ASTN2: variants seen among roughly 807,000 people sequenced by gnomAD.
The protein encoded by ASTN2 is astrotactin-2.
In ASTN2, 54 loss-of-function variants were observed where a neutral mutation model predicts 139.8. That is an observed-to-expected ratio of 0.39 (90% CI 0.31 to 0.48). The LOEUF (loss-of-function observed/expected upper bound fraction) is 0.48, where lower values mean the gene tolerates loss of function less well. Ranked by LOEUF, ASTN2 falls within the 20% of genes least tolerant of loss-of-function variation. ASTN2 has a pLI of 0.95. For synonymous variants in ASTN2, 756 were observed against 719.5 expected, an observed-to-expected ratio of 1.05 and a Z score of -0.81; for missense variants, 1,565 against 1,725.1, an observed-to-expected ratio of 0.91 and a Z score of 1.64.
intron 10 of ASTN2, among the ~76,000 whole-genome samples, chr9:116,883,190 T>G (rs1833496322): frequency 6.6e-6 from 1 of 152,236 alleles, no homozygotes; most frequent in Admixed American, 6.5e-5. Context: ...CACAGTAGGA[T>G]GTCCTGTGAA....
At chr9:116,745,548 T>G (rs114795235) in intron 13 of ASTN2, among the ~76,000 whole-genome samples, 6,232 of 152,228 alleles carry the variant, frequency 0.041, 453 homozygotes, top group African/African-American at 0.14. Flanking sequence ...TCTCTGCACG[T>G]GTTTCCCATC....
intron 3 of ASTN2, among the ~76,000 whole-genome samples, chr9:117,152,926 A>C (rs969288264): frequency 6.6e-6 from 1 of 152,158 alleles, no homozygotes; most frequent in African/African-American, 2.4e-5. Context: ...GACAGTTATT[A>C]GTTTAAGGTA....
At chr9:116,914,582 T>TA (rs1045064404) in intron 10 of ASTN2, among the ~76,000 whole-genome samples, 16 of 143,530 alleles carry the variant, frequency 1.1e-4, no homozygotes, top group East Asian at 3.9e-4. Flanking sequence ...TTTATATATA[T>TA]TTTTTTTTAC....
At chr9:117,320,260 A>AGAACT in intron 1 of ASTN2, among the ~76,000 whole-genome samples, 1 of 152,280 alleles carries the variant, frequency 6.6e-6, no homozygotes, top group African/African-American at 2.4e-5. Context: ...AATAAAATAC[A>AGAACT]GAACTGAACT....
In ASTN2 at chr9:116,425,006, C is replaced by T. The variant is rs915201964; in HGVS notation, c.*845G>A. Among the ~76,000 whole-genome samples, 2 of 152,122 alleles carry T rather than the reference C, an allele frequency of 1.3e-5. No homozygotes were observed. The highest frequency in any genetic ancestry group is 4.8e-5 in the African/African-American group (2 of 41,422). On this transcript the variant is annotated 3_prime_UTR_variant, in exon 23 of 23. Transcript: ENST00000313400. ...CCCTCCAGTGTGTCTCATGCTCTAA[C>T]AGTGAGTGCAAAGAACCTCCATTCT... is the stretch of plus-strand genomic sequence containing the variant.
intron 7 of ASTN2, among the ~76,000 whole-genome samples, chr9:117,003,307 G>A (rs1250584193): frequency 6.6e-6 from 1 of 152,152 alleles, no homozygotes; most frequent in African/African-American, 2.4e-5. Context: ...ACAGCTCCCA[G>A]CTTGTTAGAA....
chr9:116,568,943 T>A (rs961797657), intron 19 of ASTN2: 1 of 152,136 alleles, frequency 6.6e-6, no homozygotes, highest in Non-Finnish European at 1.5e-5. Flanking sequence ...GGCCTTTTTT[T>A]ACTCTGACAC....
At chr9:116,742,375 C>A (rs1016644302) in intron 13 of ASTN2, among the ~76,000 whole-genome samples, 1 of 152,182 alleles carries the variant, frequency 6.6e-6, no homozygotes, top group African/African-American at 2.4e-5. Context: ...CTTCTTTCTG[C>A]CACTGATGCT....
At chr9:116,557,739 C>T (rs1020252663) in intron 19 of ASTN2, 2 of 152,106 alleles carry the variant, frequency 1.3e-5, no homozygotes, top group African/African-American at 4.8e-5. Flanking sequence ...TACCTTTTTC[C>T]TACGTGTATA....
At chr9:117,382,015 A>G (rs541389397) in intron 1 of ASTN2, among the ~76,000 whole-genome samples, 76 of 152,258 alleles carry the variant, frequency 5.0e-4, no homozygotes, top group Middle Eastern at 6.8e-3. Context: ...GAGTGATAGC[A>G]CTTAAGTCTA....
intron 11 of ASTN2, among the ~76,000 whole-genome samples, chr9:116,844,810 T>A (rs1266031435): frequency 6.6e-6 from 1 of 152,134 alleles, no homozygotes; most frequent in Non-Finnish European, 1.5e-5. Flanking sequence ...CAGGCCATTA[T>A]CCCCACATGC....
intron 2 of ASTN2, among the ~76,000 whole-genome samples, chr9:117,267,382 T>C (rs1833960950): frequency 1.3e-5 from 2 of 152,312 alleles, no homozygotes; most frequent in African/African-American, 2.4e-5. Flanking sequence ...TGTTGCACCC[T>C]GGGATCACTT....
intron 19 of ASTN2, among the ~76,000 whole-genome samples, chr9:116,570,461 T>C (rs984410082): frequency 2.0e-5 from 3 of 152,140 alleles, no homozygotes; most frequent in Admixed American, 1.3e-4. Context: ...AGTGGCATCA[T>C]CTCGGCTCAC....
chr9:116,762,823 G>A (rs1306319467), intron 13 of ASTN2, among the ~76,000 whole-genome samples: 1 of 152,314 alleles, frequency 6.6e-6, no homozygotes, highest in South Asian at 2.1e-4. Flanking sequence ...TAGCTGGAAA[G>A]CTCAAAATAT....
intron 6 of ASTN2, among the ~76,000 whole-genome samples, chr9:117,013,136 C>T (rs1250188048): frequency 1.3e-5 from 2 of 151,890 alleles, no homozygotes; most frequent in Non-Finnish European, 2.9e-5. Flanking sequence ...AGTTGAGGTT[C>T]AGTGTGGGCA....
At chr9:116,426,842 A>C (rs1056702718) in intron 22 of ASTN2, among the ~76,000 whole-genome samples, 2 of 152,150 alleles carry the variant, frequency 1.3e-5, no homozygotes, top group African/African-American at 4.8e-5. Context: ...TCCTCAAGTT[A>C]AGTAAGAGAA....
intron 17 of ASTN2, among the ~76,000 whole-genome samples, chr9:116,636,518 T>C (rs1857081020): frequency 6.6e-6 from 1 of 152,002 alleles, no homozygotes; most frequent in African/African-American, 2.4e-5. Context: ...CTATTAAAAA[T>C]ACAAATATTA....
At chr9:116,458,335 C>G (rs969767554) in intron 20 of ASTN2, among the ~76,000 whole-genome samples, 1 of 151,560 alleles carries the variant, frequency 6.6e-6, no homozygotes. Flanking sequence ...CAACAATTTA[C>G]TGTATATTTA....
chr9:117,290,692 T>C (rs537879727), intron 2 of ASTN2, among the ~76,000 whole-genome samples: 1 of 152,340 alleles, frequency 6.6e-6, no homozygotes, highest in Non-Finnish European at 1.5e-5. Context: ...TCAGGCTTAG[T>C]AGCCAGATAT....
Sources: allele counts gnomAD v4.1 joint callset (sites outside exome capture counted in the v4.1 genomes callset), GRCh38; gene constraint gnomAD v4.1.1; transcripts MANE v1.5; gene names NCBI Gene and HGNC (gene_info 2026-07-23, HGNC 2026-07-21).